Variants in OR8J1 observed in about 807,000 individuals in gnomAD.
The protein encoded by OR8J1 is olfactory receptor 8J1.
For missense variants in OR8J1, 400 were observed against 373.0 expected (o/e 1.07, Z -0.60); for synonymous variants, 157 against 144.3 (o/e 1.09, Z -0.63).
At chr11:56,354,488 G>C (rs1409658235) in intron 1 of OR8J1, among the ~76,000 whole-genome samples, 163 bp downstream of exon 1, 1 of 152,082 alleles carries the variant, frequency 6.6e-6, no homozygotes, top group African/African-American at 2.4e-5. Flanking sequence ...ATTTATAACT[G>C]TTTTTAGGAA....
chr11:56,360,168 T>A, intron 1 of OR8J1, 59 bp from the exon 2 acceptor site: 1 of 1,134,480 alleles, frequency 8.8e-7, no homozygotes, highest in Non-Finnish European at 1.3e-6. Flanking sequence ...CCTAGCCATA[T>A]AAGGGCAGTC....
rs1852626049 is a variant in OR8J1, at chr11:56,360,760, A to G, written c.514A>G (p.Asn172Asp). ...YVFSVSYCSS[N>D]IINHFYCDNV... ...ATTCTCTGTGTCTTATTGCTCTTCT[A>G]ATATAATCAATCATTTTTACTGTGA... is the stretch of plus-strand genomic sequence containing the variant. The change falls in exon 2 of 2, where the codon AAT (asparagine) becomes GAT (aspartate). Residue 172 changes from asparagine to aspartate, a missense_variant. Asn to Asp is a conservative substitution (Grantham distance 23). Transcript: ENST00000533152. 1.9e-6 allele frequency: 3 copies of G among 1,592,352 alleles called. No individual in the cohort carries two copies. The highest frequency in any genetic ancestry group is 1.9e-5 in the Admixed American group (1 of 53,928).
At position 56,360,719 on chromosome 11, in the gene OR8J1, T is replaced by A; in HGVS notation, c.473T>A (p.Val158Glu). Residue 158 changes from valine (V) to glutamate (E), a missense_variant, in exon 2 of 2, where the codon GTG becomes GAG. Val to Glu is a moderately radical substitution (Grantham distance 121). Coordinates refer to ENST00000533152, the MANE Select transcript of OR8J1 (RefSeq NM_001005205.3). ...CTCTATGGCTTTTCTACAGCTATTG[T>A]GGTTTCATCTTATGTATTCTCTGTG... ...TYLYGFSTAI[V>E]VSSYVFSVSY... 1 of 1,610,618 alleles carries A rather than the reference T, an allele frequency of 6.2e-7. No homozygotes were observed. Among genetic ancestry groups the A allele is most frequent in the Non-Finnish European group, 8.5e-7 (1 of 1,179,040 alleles).
At chr11:56,357,687 C>A (rs1854988644) in intron 1 of OR8J1, 1 of 1,582,908 alleles carries the variant, frequency 6.3e-7, no homozygotes, top group Non-Finnish European at 8.6e-7. Flanking sequence ...CTATGAAGGC[C>A]AAGTGGAGGC....
rs1852636282 is a variant in OR8J1 at position 56,361,331 on chromosome 11, A to G, written c.*134A>G. On this transcript the variant is annotated 3_prime_UTR_variant, in exon 2 of 2. Transcript: ENST00000533152. ...AATCATAAGAATTACAACAAGATAC[A>G]ATTTAGGGAGCTTTGAATTAAAAAA... 1.7e-5 allele frequency: 7 copies of G among 402,320 alleles called. No individual in the cohort carries two copies. In the East Asian group the frequency reaches 2.5e-4, roughly 14 times the overall value. 24.9% of individuals were successfully genotyped at this position (402,320 alleles called of 1,614,324 possible).
chr11:56,357,521 T>C (rs1854985608), intron 1 of OR8J1: 2 of 848,958 alleles, frequency 2.4e-6, no homozygotes, highest in Non-Finnish European at 4.0e-6. Flanking sequence ...AGATTGCTTA[T>C]GGCTGTATAG....
At position 56,360,638 on chromosome 11, in the gene OR8J1, T is replaced by C; in HGVS notation, c.392T>C (p.Leu131Pro). Reference protein sequence around the residue: ...DRYVAICNPLLYMVVVSRRLC... With the variant: ...DRYVAICNPLPYMVVVSRRLC... Reference sequence around the variant, plus strand: ...TATGTGGCTATTTGTAACCCTCTGCTGTACATGGTGGTGGTGTCTCGGCGG... The same window carrying C: ...TATGTGGCTATTTGTAACCCTCTGCCGTACATGGTGGTGGTGTCTCGGCGG... Residue 131 changes from leucine to proline, a missense_variant, in exon 2 of 2, where the codon CTG becomes CCG. Physicochemically the swap from Leu to Pro is moderately conservative, Grantham distance 98. Transcript: ENST00000533152. 6.2e-7 allele frequency: 1 copy of C among 1,612,460 alleles called. No homozygotes were observed. Among genetic ancestry groups the C allele is most frequent in the Non-Finnish European group, 8.5e-7 (1 of 1,179,344 alleles).
At chr11:56,354,734 C>A (rs865817735) in intron 1 of OR8J1, among the ~76,000 whole-genome samples, 1 of 152,064 alleles carries the variant, frequency 6.6e-6, no homozygotes, top group Non-Finnish European at 1.5e-5. Flanking sequence ...AAATGATGCC[C>A]CTTTTTGAGA....
intron 1 of OR8J1, chr11:56,358,038 G>A (rs1852582747): frequency 5.9e-6 from 4 of 672,964 alleles, no homozygotes; most frequent in Admixed American, 4.7e-5. Flanking sequence ...ACATGATGGA[G>A]GAGACGTATA....
At position 56,360,543 on chromosome 11, in the gene OR8J1, C is replaced by T; in HGVS notation, c.297C>T (p.Thr99=). 6.2e-7 allele frequency: 1 copy of T among 1,614,074 alleles called. No individual in the cohort carries two copies. The part of the protein sequence containing the change: ...KKTTSFYECA[T]QLGGFLFFIV... ...CTACCTCATTCTATGAATGTGCCAC[C>T]CAACTGGGAGGGTTCTTGTTCTTTA... Residue 99 remains threonine (T), a synonymous_variant, in exon 2 of 2, where the codon ACC becomes ACT. Coordinates refer to ENST00000533152, the MANE Select transcript of OR8J1 (RefSeq NM_001005205.3).
chr11:56,355,725 T>C (rs889341151), intron 1 of OR8J1, among the ~76,000 whole-genome samples: 2 of 152,142 alleles, frequency 1.3e-5, no homozygotes, highest in African/African-American at 4.8e-5. Context: ...CTCATCTATC[T>C]TTCTACGCTC....
In OR8J1 at chr11:56,360,597, G is replaced by T; in HGVS notation, c.351G>T (p.Leu117Phe). ...FIVSEVIMLA[L>F]MAYDRYVAIC... ...TATCGGAGGTAATCATGCTGGCTTT[G>T]ATGGCCTATGACCGCTATGTGGCTA... The change falls in exon 2 of 2, where the codon TTG (leucine) becomes TTT (phenylalanine). Residue 117 changes from leucine to phenylalanine, a missense_variant. Leu to Phe is a conservative substitution (Grantham distance 22). Transcript: ENST00000533152. The T allele has an allele frequency of 6.2e-7, 1 of 1,613,816 alleles. No homozygotes were observed.
chr11:56,356,250 T>C (rs1053183864), intron 1 of OR8J1, among the ~76,000 whole-genome samples: 1 of 152,166 alleles, frequency 6.6e-6, no homozygotes, highest in Admixed American at 6.5e-5. Context: ...GTGCATAGGA[T>C]GGGAAAGTAT....
In OR8J1 at chr11:56,356,573, C is replaced by G. The variant is rs1465165518; in HGVS notation, c.-21+2248C>G. ...AAGGGCATGGGAGGGGACACAGAAG[C>G]ACAACTACCTGTTACGTAGTGTTTG... is the stretch of plus-strand genomic sequence containing the variant. On this transcript the variant is annotated intron_variant, in intron 1 of 1. Coordinates refer to ENST00000533152, the MANE Select transcript of OR8J1 (RefSeq NM_001005205.3). Among the ~76,000 whole-genome samples the G allele has an allele frequency of 2.0e-5, 3 of 152,126 alleles. No homozygotes were observed. The East Asian group carries it at 5.8e-4, about 29-fold the overall frequency.
Position 56,360,868 on chromosome 11 carries a change from G to T in OR8J1, c.622G>T (p.Val208Phe), listed in dbSNP as rs1012543199. ...VVFISAATNV[V>F]GSLIIVLVSY... is the part of the protein sequence containing the mutation. The stretch of plus-strand genomic sequence containing the variant: ...CTTTATATCTGCAGCAACAAATGTG[G>T]TTGGTTCCTTGATTATAGTTCTAGT... Residue 208 changes from valine (V) to phenylalanine (F), a missense_variant, in exon 2 of 2, where the codon GTT becomes TTT. By Grantham distance (50) the Val-to-Phe change is conservative. Coordinates refer to ENST00000533152, the MANE Select transcript of OR8J1 (RefSeq NM_001005205.3). 2 of 1,504,586 alleles carry T rather than the reference G, an allele frequency of 1.3e-6. No homozygotes were observed. Among genetic ancestry groups the T allele is most frequent in the African/African-American group, 2.8e-5 (2 of 70,754 alleles). The allele number at this position is 1,504,586 out of a possible 1,614,324, so 93.2% of individuals were successfully genotyped here. A position where few individuals can be genotyped will look rare whatever the true frequency, so the allele number is the denominator to read the frequency against.
chr11:56,358,514 C>G (rs996430053), intron 1 of OR8J1, among the ~76,000 whole-genome samples: 1 of 152,074 alleles, frequency 6.6e-6, no homozygotes, highest in African/African-American at 2.4e-5. Context: ...TCCTTTAGGT[C>G]TCAATACAGA....
intron 1 of OR8J1, among the ~76,000 whole-genome samples, chr11:56,355,564 G>A (rs1854957234): frequency 6.6e-6 from 1 of 152,046 alleles, no homozygotes; most frequent in Non-Finnish European, 1.5e-5. Context: ...GGAGGCGGAG[G>A]TTGCAGTGAG....
chr11:56,358,735 A>G (rs947471295), intron 1 of OR8J1, among the ~76,000 whole-genome samples: 1 of 152,148 alleles, frequency 6.6e-6, no homozygotes, highest in Admixed American at 6.5e-5. Flanking sequence ...TTTCTTTACC[A>G]GATTTTTGTA....
Position 56,360,757 on chromosome 11 carries a change from T to C in OR8J1, c.511T>C (p.Ser171Pro), listed in dbSNP as rs766970001. 6.9e-6 allele frequency: 11 copies of C among 1,593,908 alleles called. No individual in the cohort carries two copies. The highest frequency in any genetic ancestry group is 1.8e-5 in the Admixed American group (1 of 54,142). The change falls in exon 2 of 2, where the codon TCT becomes CCT. Residue 171 changes from serine (S) to proline (P), a missense_variant. Physicochemically the swap from Ser to Pro is moderately conservative, Grantham distance 74. Coordinates refer to ENST00000533152, the MANE Select transcript of OR8J1 (RefSeq NM_001005205.3). ...SYVFSVSYCS[S>P]NIINHFYCDN... ...TGTATTCTCTGTGTCTTATTGCTCT[T>C]CTAATATAATCAATCATTTTTACTG...
Sources: allele counts gnomAD v4.1 joint callset (sites outside exome capture counted in the v4.1 genomes callset), GRCh38; gene constraint gnomAD v4.1.1; transcripts MANE v1.5; gene names NCBI Gene and HGNC (gene_info 2026-07-23, HGNC 2026-07-21).